The following JAM3 variants were observed in gnomAD, a reference collection of about 807,000 sequenced individuals.
JAM3 encodes the protein junctional adhesion molecule C.
In JAM3, 31 loss-of-function variants were observed where a neutral mutation model predicts 39.4. The ratio of observed to expected loss-of-function variants is 0.79; its 90% CI spans 0.59 to 1.06. The LOEUF is 1.06. Ranked by LOEUF, JAM3 falls within the 50% of genes least tolerant of loss-of-function variation. JAM3 has a pLI of 0.00. For synonymous variants in JAM3, 182 were observed against 148.7 expected (o/e 1.22, Z -1.63); for missense variants, 455 against 391.4 (o/e 1.16, Z -1.37).
intron 1 of JAM3, among the ~76,000 whole-genome samples, chr11:134,104,501 T>G (rs1942142524): frequency 6.6e-6 from 1 of 151,664 alleles, no homozygotes; most frequent in African/African-American, 2.4e-5. Context: ...AAGAAATAAC[T>G]AAGATCAGAG....
In JAM3 at chr11:134,124,105, TA is replaced by T. The variant is rs879200081; in HGVS notation, c.77-15745del. On this transcript the variant is annotated intron_variant, in intron 1 of 8. Coordinates refer to ENST00000299106, the MANE Select transcript of JAM3 (RefSeq NM_032801.5). ...TTTAACCAATCATCTACTATCTGAT[TA>T]GGGGGTGGAGCTCCATCATCAAATG... The T allele has an allele frequency of 5.8e-5, 86 of 1,485,040 alleles. No homozygotes were observed. In the South Asian group the frequency reaches 7.8e-4, roughly 13 times the overall value. The allele number at this position is 1,485,040 out of a possible 1,614,324, so 92.0% of individuals were successfully genotyped here.
At chr11:134,115,231 A>T (rs1415028163) in intron 1 of JAM3, among the ~76,000 whole-genome samples, 1 of 152,190 alleles carries the variant, frequency 6.6e-6, no homozygotes, top group Non-Finnish European at 1.5e-5. Context: ...AACTTAGTAT[A>T]TCTTTTTTCA....
At chr11:134,133,687 A>T (rs550195594) in intron 1 of JAM3, among the ~76,000 whole-genome samples, 1 of 152,280 alleles carries the variant, frequency 6.6e-6, no homozygotes, top group South Asian at 2.1e-4. Context: ...GTGGGGACTG[A>T]GACACAGTGG....
chr11:134,078,128 G>A (rs1941604019), intron 1 of JAM3, among the ~76,000 whole-genome samples: 2 of 151,776 alleles, frequency 1.3e-5, no homozygotes, highest in South Asian at 4.2e-4. Flanking sequence ...TTTTTTATTT[G>A]TTTGTTTTTA....
intron 3 of JAM3, among the ~76,000 whole-genome samples, chr11:134,143,981 T>C (rs1943022128): frequency 6.6e-6 from 1 of 152,122 alleles, no homozygotes; most frequent in African/African-American, 2.4e-5. Flanking sequence ...GAGGTGAAGT[T>C]CCTGGTTTTA....
chr11:134,069,227 G>A, intron 1 of JAM3, 68 bp downstream of exon 1: 2 of 1,561,922 alleles, frequency 1.3e-6, no homozygotes, highest in Non-Finnish European at 1.7e-6. Context: ...GCGGGCCGAA[G>A]CTGCTGGAGC....
chr11:134,148,790 G>A lies in JAM3; in HGVS notation c.869G>A (p.Gly290Glu), dbSNP rs1304759358. ...ESYKNPGKPDGVNYIRTDEEG... is the reference protein window; with the variant it reads ...ESYKNPGKPDEVNYIRTDEEG... ...TACAAGAACCCAGGGAAACCAGATG[G>A]AGTTAACTACATCCGCACTGACGAG... Residue 290 changes from glycine to glutamate, a missense_variant, in exon 8 of 9, where the codon GGA becomes GAA. Gly to Glu is a moderately conservative substitution (Grantham distance 98). Coordinates refer to ENST00000299106, the MANE Select transcript of JAM3 (RefSeq NM_032801.5). 6.2e-7 allele frequency: 1 copy of A among 1,614,082 alleles called. No homozygotes were observed. Among genetic ancestry groups the A allele is most frequent in the South Asian group, 1.1e-5 (1 of 91,072 alleles).
At chr11:134,077,810 C>A (rs1476677010) in intron 1 of JAM3, among the ~76,000 whole-genome samples, 1 of 151,750 alleles carries the variant, frequency 6.6e-6, no homozygotes, top group African/African-American at 2.4e-5. Flanking sequence ...CCATGCCACG[C>A]CTGGCTAATT....
intron 1 of JAM3, among the ~76,000 whole-genome samples, chr11:134,083,916 C>T (rs1941706254): frequency 6.6e-6 from 1 of 152,130 alleles, no homozygotes; most frequent in Non-Finnish European, 1.5e-5. Flanking sequence ...TTTGCATCTG[C>T]CCTTTCATAG....
rs143478437 is a variant in JAM3 at position 134,082,009 on chromosome 11, C to T, written c.76+12850C>T. Reference sequence around the variant, plus strand: ...ATTTTGGAGCTTTAAGATTTGACTGCCTTGTTGGATTTCAGACTTGCATGG... The same window carrying T: ...ATTTTGGAGCTTTAAGATTTGACTGTCTTGTTGGATTTCAGACTTGCATGG... On this transcript the variant is annotated intron_variant, in intron 1 of 8. Transcript: ENST00000299106. 2.8e-3 allele frequency among the ~76,000 whole-genome samples: 421 copies of T among 152,306 alleles called. 2 individuals carry two copies. The highest frequency in any genetic ancestry group is 9.4e-3 in the African/African-American group (391 of 41,562).
chr11:134,139,499 TGGAG>T (rs1942933456), intron 1 of JAM3: 4 of 323,334 alleles, frequency 1.2e-5, no homozygotes, highest in South Asian at 1.1e-4. Flanking sequence ...GAGGGGAAGA[TGGAG>T]GGAGAAAGGG....
intron 1 of JAM3, among the ~76,000 whole-genome samples, chr11:134,086,695 A>T (rs1941750580): frequency 6.6e-6 from 1 of 152,170 alleles, no homozygotes; most frequent in Non-Finnish European, 1.5e-5. Flanking sequence ...AGAATGAATG[A>T]GTTCAGGACA....
intron 6 of JAM3, chr11:134,147,884 T>TA (rs1215547506): frequency 1.3e-5 from 2 of 153,556 alleles, no homozygotes; most frequent in Non-Finnish European, 2.9e-5. Flanking sequence ...CTCTTGTTGA[T>TA]AAATTCCCTG....
At position 134,149,201 on chromosome 11, in the gene JAM3, A is replaced by G. The variant is rs746562043; in HGVS notation, c.*20A>G. The stretch of plus-strand genomic sequence containing the variant: ...ATCTGAGACCCGCGGTGTGGCTGAG[A>G]GCGCACAGAGCGCACGTGCACATAC... On this transcript the variant is annotated 3_prime_UTR_variant, in exon 9 of 9. Coordinates refer to ENST00000299106, the MANE Select transcript of JAM3 (RefSeq NM_032801.5). 5 of 1,613,928 alleles carry G rather than the reference A, an allele frequency of 3.1e-6. No individual in the cohort carries two copies. In the Admixed American group the frequency reaches 8.3e-5, roughly 27 times the overall value.
intron 1 of JAM3, among the ~76,000 whole-genome samples, chr11:134,080,569 C>T (rs1039785117): frequency 6.6e-6 from 1 of 152,176 alleles, no homozygotes; most frequent in African/African-American, 2.4e-5. Context: ...AAGCTCTCTT[C>T]TCTTGTCTGT....
chr11:134,135,520 G>A (rs146140897), intron 1 of JAM3, among the ~76,000 whole-genome samples: 2 of 151,526 alleles, frequency 1.3e-5, no homozygotes, highest in South Asian at 2.1e-4. Context: ...TGAGAGCACA[G>A]ATTTTTATCT....
chr11:134,114,539 CTCTA>C (rs1414955815), intron 1 of JAM3, among the ~76,000 whole-genome samples: 1 of 152,224 alleles, frequency 6.6e-6, no homozygotes, highest in African/African-American at 2.4e-5. Context: ...TTCCATTGGT[CTCTA>C]TCTCTCTTTT....
At chr11:134,125,834 T>G (rs1334201348) in intron 1 of JAM3, among the ~76,000 whole-genome samples, 1 of 152,192 alleles carries the variant, frequency 6.6e-6, no homozygotes, top group East Asian at 1.9e-4. Context: ...TTGTTTTTTC[T>G]CTACATTAGA....
chr11:134,146,628 G>A (rs548513346), intron 6 of JAM3, among the ~76,000 whole-genome samples: 2 of 151,978 alleles, frequency 1.3e-5, no homozygotes, highest in Admixed American at 6.5e-5. Context: ...AGTGCAGTGA[G>A]TGCAGTCACA....
Sources: gnomAD v4.1 joint callset for allele counts (sites outside exome capture counted in the v4.1 genomes callset) on GRCh38, gnomAD v4.1.1 for gene constraint, MANE v1.5 for transcripts, NCBI Gene and HGNC (gene_info 2026-07-23, HGNC 2026-07-21) for gene names.